Variants in P4HA1 observed in about 807,000 individuals in gnomAD.
The protein encoded by P4HA1 is prolyl 4-hydroxylase subunit alpha-1.
Under a neutral mutation model 72.8 loss-of-function variants are expected in P4HA1, and 24 were observed. That is an observed-to-expected ratio of 0.33 (90% confidence interval 0.24 to 0.46). P4HA1 has a LOEUF of 0.46. Ranked by LOEUF, P4HA1 falls within the 20% of genes least tolerant of loss-of-function variation. The pLI is 1.00. For missense variants in P4HA1, 446 were observed against 640.6 expected, an observed-to-expected ratio of 0.70 and a Z score of 3.28; for synonymous variants, 201 against 218.8, an observed-to-expected ratio of 0.92 and a Z score of 0.72.
chr10:73,015,252 C>T (rs940598489), intron 11 of P4HA1, among the ~76,000 whole-genome samples: 1 of 152,102 alleles, frequency 6.6e-6, no homozygotes, highest in African/African-American at 2.4e-5. Flanking sequence ...TGGCATTTCT[C>T]CCAGAAAAAT....
intron 9 of P4HA1, among the ~76,000 whole-genome samples, chr10:73,036,708 T>C (rs1313290789): frequency 3.3e-5 from 5 of 152,250 alleles, no homozygotes; most frequent in African/African-American, 1.2e-4. Context: ...CAAAATACAT[T>C]AAGACTTTCC....
intron 14 of P4HA1, among the ~76,000 whole-genome samples, chr10:73,009,047 G>T (rs1839854822): frequency 6.6e-6 from 1 of 152,028 alleles, no homozygotes; most frequent in African/African-American, 2.4e-5. Context: ...ACAGAAAACA[G>T]CTTTCTAAAC....
intron 5 of P4HA1, among the ~76,000 whole-genome samples, chr10:73,064,671 T>C (rs943733322): frequency 6.6e-6 from 1 of 151,960 alleles, no homozygotes; most frequent in African/African-American, 2.4e-5. Context: ...TGAAACCTCA[T>C]CTCTACTAAA....
intron 5 of P4HA1, among the ~76,000 whole-genome samples, chr10:73,064,141 A>C (rs552325700): frequency 1.1e-4 from 16 of 152,186 alleles, no homozygotes; most frequent in Non-Finnish European, 2.4e-4. Context: ...AACTAACACT[A>C]AAGAGTCTTT....
At position 73,074,668 on chromosome 10, in the gene P4HA1, A is replaced by T. The variant is rs556774983; in HGVS notation, c.76+140T>A. On this transcript the variant is annotated intron_variant, in intron 2 of 14. Coordinates refer to ENST00000394890, the MANE Select transcript of P4HA1 (RefSeq NM_001017962.3). ...AAAATAAAGAAAATGTCAAATTATTAAAAAAGGACCTTTTAGGGGGCAGGG... is the reference window on the plus strand; with the variant it reads ...AAAATAAAGAAAATGTCAAATTATTTAAAAAGGACCTTTTAGGGGGCAGGG... The T allele has an allele frequency of 5.1e-5, 30 of 583,950 alleles. No homozygotes were observed. The East Asian group carries it at 6.0e-4, about 12-fold the overall frequency. 36.2% of individuals were successfully genotyped at this position (583,950 alleles called of 1,614,324 possible).
chr10:73,025,671 T>C (rs1215374055), intron 10 of P4HA1, among the ~76,000 whole-genome samples: 1 of 152,114 alleles, frequency 6.6e-6, no homozygotes, highest in African/African-American at 2.4e-5. Context: ...GGAAGTCAAA[T>C]TGTCCCTGTT....
intron 1 of P4HA1, among the ~76,000 whole-genome samples, chr10:73,090,935 G>A (rs997114324): frequency 4.0e-5 from 6 of 151,472 alleles, no homozygotes; most frequent in Non-Finnish European, 7.4e-5. Flanking sequence ...GGTGGCGGGT[G>A]CCTGTAATCC....
chr10:73,028,850 G>A (rs1840363356), intron 10 of P4HA1, among the ~76,000 whole-genome samples: 1 of 151,592 alleles, frequency 6.6e-6, no homozygotes, highest in Non-Finnish European at 1.5e-5. Context: ...TTCAAGACCA[G>A]CCTGGCCAAC....
chr10:73,053,753 A>G (rs1410182846), intron 5 of P4HA1, among the ~76,000 whole-genome samples, 163 bp from the exon 6 acceptor site: 1 of 152,218 alleles, frequency 6.6e-6, no homozygotes, highest in Non-Finnish European at 1.5e-5. Flanking sequence ...GGAACAATCT[A>G]TAATATAATG....
At chr10:73,010,211 G>A (rs1312758706) in intron 13 of P4HA1, among the ~76,000 whole-genome samples, 8 of 151,952 alleles carry the variant, frequency 5.3e-5, no homozygotes, top group Non-Finnish European at 1.0e-4. Context: ...CAGATGATCC[G>A]CCCATCTTGG....
chr10:73,047,955 A>G (rs1272311616), intron 7 of P4HA1, among the ~76,000 whole-genome samples: 1 of 152,074 alleles, frequency 6.6e-6, no homozygotes, highest in African/African-American at 2.4e-5. Context: ...GAGGGGCTGA[A>G]ATGGGAGGAC....
intron 1 of P4HA1, among the ~76,000 whole-genome samples, chr10:73,077,653 C>T (rs1841729939): frequency 6.6e-6 from 1 of 151,942 alleles, no homozygotes; most frequent in African/African-American, 2.4e-5. Context: ...GAATAGTTAT[C>T]AGATCTCTAA....
chr10:73,088,127 A>G (rs1841959901), intron 1 of P4HA1, among the ~76,000 whole-genome samples: 1 of 152,162 alleles, frequency 6.6e-6, no homozygotes, highest in Non-Finnish European at 1.5e-5. Flanking sequence ...TCCTGGGCTC[A>G]AGCAATCCTC....
intron 1 of P4HA1, among the ~76,000 whole-genome samples, chr10:73,080,755 C>T (rs540975910): frequency 3.5e-4 from 53 of 152,078 alleles, no homozygotes; most frequent in South Asian, 1.3e-3. Context: ...AGTGAAACCC[C>T]GTCTCTACTA....
At chr10:73,046,027 C>T (rs75797030) in intron 8 of P4HA1, among the ~76,000 whole-genome samples, 7,951 of 151,944 alleles carry the variant, frequency 0.052, 662 homozygotes, top group African/African-American at 0.18. Flanking sequence ...CTGCTACCTG[C>T]CACTGGAAAT....
chr10:73,050,733 T>C (rs1313174036), intron 7 of P4HA1, among the ~76,000 whole-genome samples: 1 of 148,294 alleles, frequency 6.7e-6, no homozygotes, highest in East Asian at 2.0e-4. Context: ...AGAGACAGGG[T>C]CTTATTCTGT....
At chr10:73,039,401 G>A (rs1236660628) in intron 9 of P4HA1, among the ~76,000 whole-genome samples, 5 of 152,082 alleles carry the variant, frequency 3.3e-5, no homozygotes, top group Admixed American at 1.3e-4. Flanking sequence ...CTGCCTCCTG[G>A]GTTCCTGCCG....
intron 1 of P4HA1, among the ~76,000 whole-genome samples, chr10:73,078,989 T>A (rs1841766736): frequency 6.6e-6 from 1 of 152,196 alleles, no homozygotes; most frequent in Non-Finnish European, 1.5e-5. Flanking sequence ...ATTAACTTCG[T>A]ACAAAATAAT....
intron 1 of P4HA1, among the ~76,000 whole-genome samples, chr10:73,090,197 T>A (rs1173469497): frequency 1.3e-5 from 2 of 151,366 alleles, no homozygotes; most frequent in Non-Finnish European, 2.9e-5. Flanking sequence ...AGTAGCACAA[T>A]CACAGTTCAT....
Sources: gnomAD v4.1 joint callset for allele counts (sites outside exome capture counted in the v4.1 genomes callset) on GRCh38, gnomAD v4.1.1 for gene constraint, MANE v1.5 for transcripts, NCBI Gene and HGNC (gene_info 2026-07-23, HGNC 2026-07-21) for gene names.